Variants in ATRNL1 observed in about 807,000 individuals in gnomAD.
ATRNL1 encodes the protein attractin-like protein 1.
A neutral mutation model predicts 182.7 loss-of-function variants in ATRNL1; 95 were observed. The ratio of observed to expected loss-of-function variants is 0.52; its 90% CI spans 0.44 to 0.62. The LOEUF (loss-of-function observed/expected upper bound fraction) is 0.62, where lower values mean the gene tolerates loss of function less well. Ranked by LOEUF, ATRNL1 falls within the 20% of genes least tolerant of loss-of-function variation. The pLI, the probability that ATRNL1 is intolerant of heterozygous loss-of-function variation, is 0.00. For synonymous variants in ATRNL1, 576 were observed against 568.3 expected (o/e 1.01, Z -0.19); for missense variants, 1,471 against 1,679.5 (o/e 0.88, Z 2.17).
rs1171509721 is a variant in ATRNL1 at position 115,266,863 on chromosome 10, A to T, written c.1839A>T (p.Pro613=). ...ATGATATCCTTGTATACAAGCCTCC[A>T]AATTGCAAGGCTTTCAGAGATGAAG... ...LLNDILVYKP[P]NCKAFRDEEL... The change falls in exon 12 of 29, where the codon CCA becomes CCT. Residue 613 remains proline, a synonymous_variant. Transcript: ENST00000355044. The T allele has an allele frequency of 6.2e-7, 1 of 1,612,130 alleles. No homozygotes were observed. The highest frequency in any genetic ancestry group is 1.3e-5 in the African/African-American group (1 of 74,850).
At chr10:115,760,159 A>G (rs1406184638) in intron 27 of ATRNL1, among the ~76,000 whole-genome samples, 1 of 122,708 alleles carries the variant, frequency 8.1e-6, no homozygotes, top group Admixed American at 9.5e-5. Context: ...AACACTGTTC[A>G]TTACTCCCCT....
chr10:115,606,239 C>T (rs569753485), intron 26 of ATRNL1, among the ~76,000 whole-genome samples: 2 of 151,842 alleles, frequency 1.3e-5, no homozygotes, highest in East Asian at 1.9e-4. Context: ...ACATTAGGCT[C>T]GCATATTTGA....
rs553914093 is a variant in ATRNL1, at chr10:115,259,456, T to C, written c.1688-5737T>C. ...TGGAGAGAATCTCCTTGTCTGCTGATTGCTAAAACTTTGGGAAAAGCGCAG... is the reference window on the plus strand; with the variant it reads ...TGGAGAGAATCTCCTTGTCTGCTGACTGCTAAAACTTTGGGAAAAGCGCAG... On this transcript the variant is annotated intron_variant, in intron 10 of 28. Transcript: ENST00000355044. 3.3e-5 allele frequency among the ~76,000 whole-genome samples: 5 copies of C among 152,178 alleles called. No individual in the cohort carries two copies. In the East Asian group the frequency reaches 9.6e-4, roughly 29 times the overall value.
rs148096022 is a variant in ATRNL1 at position 115,259,288 on chromosome 10, C to T, written c.1688-5905C>T. Among the ~76,000 whole-genome samples the T allele has an allele frequency of 7.3e-3, 1,105 of 152,296 alleles. 13 individuals carry two copies. The highest frequency in any genetic ancestry group is 0.014 in the South Asian group (69 of 4,824). ...GGTAGGCTCCGTCCAGTTTAAGCTT[C>T]CTGGCCGCTTTGTTTACCTAGTCAA... On this transcript the variant is annotated intron_variant, in intron 10 of 28. Transcript: ENST00000355044.
intron 26 of ATRNL1, among the ~76,000 whole-genome samples, chr10:115,561,678 T>TGTGTGTGTGG: frequency 1.0e-5 from 1 of 96,198 alleles, no homozygotes; most frequent in South Asian, 4.6e-4. Flanking sequence ...TCTGTGTGTG[T>TGTGTGTGTGG]GTGTGTGTGT....
intron 19 of ATRNL1, among the ~76,000 whole-genome samples, chr10:115,367,120 AC>A (rs1857088729): frequency 1.1e-5 from 1 of 88,958 alleles, no homozygotes; most frequent in Non-Finnish European, 2.6e-5. Flanking sequence ...GTGTTTTCCA[AC>A]TTGGTTCCAT....
intron 24 of ATRNL1, among the ~76,000 whole-genome samples, chr10:115,474,172 CT>C (rs1265500098): frequency 1.3e-5 from 2 of 151,270 alleles, no homozygotes; most frequent in Admixed American, 6.6e-5. Context: ...AGTTCTTCAG[CT>C]TTTGTTTGTC....
At chr10:115,713,159 C>T (rs116070256) in intron 26 of ATRNL1, among the ~76,000 whole-genome samples, 2,483 of 152,206 alleles carry the variant, frequency 0.016, 68 homozygotes, top group African/African-American at 0.056. Context: ...CAGAGACAAT[C>T]TAAGACCACA....
intron 7 of ATRNL1, among the ~76,000 whole-genome samples, chr10:115,168,782 T>C (rs551408924): frequency 1.0e-3 from 153 of 152,184 alleles, no homozygotes; most frequent in African/African-American, 3.6e-3. Flanking sequence ...TGATGTTATC[T>C]TTTTAAACAC....
chr10:115,480,207 AACACAC>A lies in ATRNL1; in HGVS notation c.3654+10902_3654+10907del, dbSNP rs72119794. On this transcript the variant is annotated intron_variant, in intron 24 of 28. Coordinates refer to ENST00000355044, the MANE Select transcript of ATRNL1 (RefSeq NM_207303.4). ...ATTTTCAACATAGATGAGTCATTTG[AACACAC>A]ACACACACACACACACACACACAAA... Among the ~76,000 whole-genome samples the A allele has an allele frequency of 7.6e-3, 1,119 of 146,744 alleles. 17 individuals are homozygous for A. Among genetic ancestry groups the A allele is most frequent in the African/African-American group, 0.024 (976 of 40,312 alleles).
chr10:115,369,568 T>A (rs1857277610), intron 19 of ATRNL1, among the ~76,000 whole-genome samples: 1 of 152,218 alleles, frequency 6.6e-6, no homozygotes, highest in Non-Finnish European at 1.5e-5. Context: ...ATTGATTTCA[T>A]TTTCCTTGGA....
intron 19 of ATRNL1, among the ~76,000 whole-genome samples, chr10:115,390,814 C>T (rs575945331): frequency 1.5e-3 from 221 of 152,218 alleles, no homozygotes; most frequent in African/African-American, 4.9e-3. Flanking sequence ...TTATATAAGT[C>T]ACTCGCTATT....
intron 24 of ATRNL1, among the ~76,000 whole-genome samples, chr10:115,490,371 G>A (rs1849240129): frequency 1.3e-5 from 2 of 152,096 alleles, no homozygotes; most frequent in Non-Finnish European, 2.9e-5. Context: ...CCAATCAAAT[G>A]TAGATTTGGT....
chr10:115,247,710 A>G (rs1554904418), intron 10 of ATRNL1, among the ~76,000 whole-genome samples: 1 of 152,186 alleles, frequency 6.6e-6, no homozygotes, highest in Non-Finnish European at 1.5e-5. Context: ...TATTAAAGAG[A>G]CACCTGCACC....
intron 25 of ATRNL1, among the ~76,000 whole-genome samples, chr10:115,536,175 AC>A (rs1851983186): frequency 6.6e-6 from 1 of 152,026 alleles, no homozygotes. Context: ...TGCAGAGGTT[AC>A]TGCTGTGTTT....
At chr10:115,716,389 T>C (rs1239540986) in intron 26 of ATRNL1, among the ~76,000 whole-genome samples, 4 of 152,300 alleles carry the variant, frequency 2.6e-5, no homozygotes, top group Non-Finnish European at 5.9e-5. Flanking sequence ...GTGTGGGTCA[T>C]TTACGTATCC....
At chr10:115,818,769 A>G (rs1950225808) in intron 27 of ATRNL1, among the ~76,000 whole-genome samples, 1 of 152,118 alleles carries the variant, frequency 6.6e-6, no homozygotes, top group South Asian at 2.1e-4. Context: ...CACTGGCTGT[A>G]GCTTTTTGTA....
chr10:115,335,968 G>T (rs1272502363), intron 19 of ATRNL1, among the ~76,000 whole-genome samples: 2 of 152,124 alleles, frequency 1.3e-5, no homozygotes, highest in African/African-American at 4.8e-5. Context: ...GTGTTATGCA[G>T]TGCTCTGATC....
intron 20 of ATRNL1, among the ~76,000 whole-genome samples, chr10:115,423,550 A>G (rs1845741643): frequency 6.6e-6 from 1 of 151,876 alleles, no homozygotes; most frequent in Non-Finnish European, 1.5e-5. Context: ...GCAAATGAAC[A>G]AACAAACAAA....
Sources: allele counts gnomAD v4.1 joint callset (sites outside exome capture counted in the v4.1 genomes callset), GRCh38; gene constraint gnomAD v4.1.1; transcripts MANE v1.5; gene names NCBI Gene and HGNC (gene_info 2026-07-23, HGNC 2026-07-21).